The following ZNRF1 variants were observed in gnomAD, a reference collection of about 807,000 sequenced individuals.
ZNRF1 encodes the protein zinc and ring finger 1.
ZNRF1 carries 3 observed loss-of-function variants against 18.4 expected under a neutral mutation model. That is an observed-to-expected ratio of 0.16 (90% CI 0.07 to 0.42). The LOEUF (loss-of-function observed/expected upper bound fraction) is 0.42, where lower values mean the gene tolerates loss of function less well. Among genes scored for constraint, ZNRF1 ranks in the 10% least tolerant of loss-of-function variants. The pLI is 0.99. For missense variants in ZNRF1, 310 were observed against 329.8 expected, an observed-to-expected ratio of 0.94 and a Z score of 0.47; for synonymous variants, 157 against 144.2, an observed-to-expected ratio of 1.09 and a Z score of -0.64.
chr16:75,037,445 A>G (rs556474905), intron 1 of ZNRF1, among the ~76,000 whole-genome samples: 44 of 152,114 alleles, frequency 2.9e-4, no homozygotes, highest in African/African-American at 9.6e-4. Flanking sequence ...TCAAGCGATT[A>G]TCATGCCTCA....
intron 1 of ZNRF1, among the ~76,000 whole-genome samples, chr16:75,061,727 A>T (rs2035746990): frequency 6.6e-6 from 1 of 152,130 alleles, no homozygotes; most frequent in South Asian, 2.1e-4. Flanking sequence ...AAGACATAAA[A>T]AGTATGGGAC....
In ZNRF1 at chr16:75,003,488, C is replaced by A. The variant is rs373378242; in HGVS notation, c.424+3393C>A. On this transcript the variant is annotated intron_variant, in intron 1 of 4. Transcript: ENST00000335325. ...TCTGACTCTATGGAGTAAGACTGTT[C>A]TCTCCCACCCCCATTGTGCAGGTAA... Among the ~76,000 whole-genome samples, 19 of 152,224 alleles carry A rather than the reference C, an allele frequency of 1.2e-4. 2 individuals carry two copies. Among genetic ancestry groups the A allele is most frequent in the South Asian group, 1.0e-3 (5 of 4,822 alleles).
At chr16:75,030,020 A>C (rs1457786395) in intron 1 of ZNRF1, among the ~76,000 whole-genome samples, 11 of 148,844 alleles carry the variant, frequency 7.4e-5, no homozygotes, top group Non-Finnish European at 1.2e-4. Flanking sequence ...CTGAGAGAGC[A>C]CCACTGCATT....
chr16:75,029,976 T>C (rs1217990444), intron 1 of ZNRF1, among the ~76,000 whole-genome samples: 2 of 150,618 alleles, frequency 1.3e-5, no homozygotes, highest in African/African-American at 2.5e-5. Flanking sequence ...GGAGGGAAGA[T>C]TGCTTGAACC....
Position 75,030,901 on chromosome 16 carries a change from C to T in ZNRF1, c.424+30806C>T, listed in dbSNP as rs527600077. On this transcript the variant is annotated intron_variant, in intron 1 of 4. Coordinates refer to ENST00000335325, the MANE Select transcript of ZNRF1 (RefSeq NM_032268.5). ...TGTCACCCAGGCTGGAGTGCGGTGGCGTGATTTCGGTTCACTGCAACCTCC... is the reference window on the plus strand; with the variant it reads ...TGTCACCCAGGCTGGAGTGCGGTGGTGTGATTTCGGTTCACTGCAACCTCC... Among the ~76,000 whole-genome samples the T allele has an allele frequency of 3.9e-4, 51 of 131,042 alleles. 1 individual carries two copies. In the South Asian group the frequency reaches 8.6e-3, roughly 22 times the overall value. The allele number at this position is 131,042 out of a possible 152,430, so 86.0% of individuals were successfully genotyped here.
chr16:75,019,007 A>T (rs1395701239), intron 1 of ZNRF1, among the ~76,000 whole-genome samples: 1 of 152,022 alleles, frequency 6.6e-6, no homozygotes, highest in Non-Finnish European at 1.5e-5. Context: ...CTCTACTGAA[A>T]ATATAAAAGT....
At position 75,017,539 on chromosome 16, in the gene ZNRF1, T is replaced by C. The variant is rs187919536; in HGVS notation, c.424+17444T>C. On this transcript the variant is annotated intron_variant, in intron 1 of 4. Coordinates refer to ENST00000335325, the MANE Select transcript of ZNRF1 (RefSeq NM_032268.5). ...GAGTCTGGAAAGCAGCTTAAGATCT[T>C]AATAAATACAACTTTTCAAGTTTAA... Among the ~76,000 whole-genome samples the C allele has an allele frequency of 8.5e-5, 13 of 152,318 alleles. No individual in the cohort carries two copies. The East Asian group carries it at 2.1e-3, about 25-fold the overall frequency.
intron 4 of ZNRF1, 194 bp from the exon 5 acceptor site, chr16:75,107,539 C>G (rs1234318419): frequency 1.4e-5 from 5 of 349,030 alleles, no homozygotes; most frequent in Non-Finnish European, 5.7e-6. Context: ...GAAGAAAGAG[C>G]CAGGGGGGAG....
chr16:75,084,968 T>C (rs954217209), intron 1 of ZNRF1, among the ~76,000 whole-genome samples: 3 of 152,244 alleles, frequency 2.0e-5, no homozygotes, highest in Admixed American at 2.0e-4. Context: ...ATCAGTGTAC[T>C]TCCTTGACAC....
At chr16:75,010,871 C>T (rs977590724) in intron 1 of ZNRF1, among the ~76,000 whole-genome samples, 8 of 151,944 alleles carry the variant, frequency 5.3e-5, no homozygotes, top group Non-Finnish European at 1.2e-4. Context: ...CCACCACAGC[C>T]GGCTAATTTT....
chr16:75,004,816 A>G (rs1054609309), intron 1 of ZNRF1, among the ~76,000 whole-genome samples: 6 of 152,010 alleles, frequency 3.9e-5, no homozygotes, highest in East Asian at 1.9e-4. Flanking sequence ...AGGTCTCACT[A>G]TGTTGCCTAG....
chr16:75,024,658 C>G (rs2035197609), intron 1 of ZNRF1, among the ~76,000 whole-genome samples: 2 of 152,198 alleles, frequency 1.3e-5, no homozygotes, highest in African/African-American at 4.8e-5. Context: ...GAAGAAGTTA[C>G]AAAAGAAGGA....
chr16:75,062,474 A>C (rs1284311169), intron 1 of ZNRF1, among the ~76,000 whole-genome samples: 1 of 152,234 alleles, frequency 6.6e-6, no homozygotes, highest in Non-Finnish European at 1.5e-5. Context: ...AGTCAAAGAG[A>C]GTGCAAATAT....
At position 75,029,834 on chromosome 16, in the gene ZNRF1, AG is replaced by A. The variant is rs2035276957; in HGVS notation, c.424+29740del. Among the ~76,000 whole-genome samples, 5 of 152,200 alleles carry A rather than the reference AG, an allele frequency of 3.3e-5. No homozygotes were observed. The South Asian group carries it at 1.0e-3, about 32-fold the overall frequency. ...CTGATCACTTGAGGTCAGGAGTTCG[AG>A]ACCAGCCTGGCCAACATTGTGAAAA... On this transcript the variant is annotated intron_variant, in intron 1 of 4. Coordinates refer to ENST00000335325, the MANE Select transcript of ZNRF1 (RefSeq NM_032268.5).
At chr16:75,024,734 C>G (rs1201042941) in intron 1 of ZNRF1, among the ~76,000 whole-genome samples, 1 of 152,264 alleles carries the variant, frequency 6.6e-6, no homozygotes, top group Non-Finnish European at 1.5e-5. Flanking sequence ...AAGCAGAAGA[C>G]AACAGACCTT....
At chr16:75,060,850 C>T (rs2035734811) in intron 1 of ZNRF1, among the ~76,000 whole-genome samples, 1 of 152,068 alleles carries the variant, frequency 6.6e-6, no homozygotes, top group Non-Finnish European at 1.5e-5. Context: ...TCTATTTCTC[C>T]CCTGTACTAT....
chr16:75,036,493 T>C (rs1224577228), intron 1 of ZNRF1, among the ~76,000 whole-genome samples: 1 of 152,170 alleles, frequency 6.6e-6, no homozygotes, highest in Admixed American at 6.6e-5. Flanking sequence ...TTATATTTAA[T>C]GCAGTCATCA....
chr16:75,086,149 A>G (rs528024649), intron 1 of ZNRF1, among the ~76,000 whole-genome samples: 6 of 152,204 alleles, frequency 3.9e-5, no homozygotes, highest in African/African-American at 1.4e-4. Context: ...GGTCCGCTTC[A>G]CTCAGTCTAT....
intron 1 of ZNRF1, among the ~76,000 whole-genome samples, chr16:75,044,504 G>A (rs572016936): frequency 6.6e-6 from 1 of 152,018 alleles, no homozygotes; most frequent in Non-Finnish European, 1.5e-5. Flanking sequence ...TGGGATTATA[G>A]GCATGATGAG....
Sources: allele counts gnomAD v4.1 joint callset (sites outside exome capture counted in the v4.1 genomes callset), GRCh38; gene constraint gnomAD v4.1.1; transcripts MANE v1.5; gene names NCBI Gene and HGNC (gene_info 2026-07-23, HGNC 2026-07-21).